Variants in DNAJC1 observed in about 807,000 individuals in gnomAD.
The protein encoded by DNAJC1 is dnaJ homolog subfamily C member 1.
A neutral mutation model predicts 76.6 loss-of-function variants in DNAJC1; 58 were observed. That is an observed-to-expected ratio of 0.76 (90% confidence interval 0.61 to 0.94). The LOEUF is 0.94. DNAJC1 is among the 40% of genes least tolerant of loss of function. The pLI is 0.00. For missense variants in DNAJC1, 689 were observed against 677.3 expected, an observed-to-expected ratio of 1.02 and a Z score of -0.19; for synonymous variants, 258 against 267.9, an observed-to-expected ratio of 0.96 and a Z score of 0.36.
chr10:21,813,150 GTCTCTCTCTCTCTCTCTCTCTCTCCCTC>G (rs1328847617), intron 8 of DNAJC1, among the ~76,000 whole-genome samples: 24 of 66,114 alleles, frequency 3.6e-4, no homozygotes, highest in South Asian at 9.5e-4. Context: ...TGGGTTACTT[GTCTCTCTCTCTCTCTCTCTCTCTCCCTC>G]TCTCTCTCTC....
intron 6 of DNAJC1, among the ~76,000 whole-genome samples, chr10:21,908,639 T>G (rs1030773800): frequency 6.6e-6 from 1 of 151,996 alleles, no homozygotes; most frequent in African/African-American, 2.4e-5. Context: ...TAATCCATCC[T>G]TATAGCCCTA....
At chr10:21,889,200 C>A (rs934759758) in intron 7 of DNAJC1, among the ~76,000 whole-genome samples, 1 of 152,048 alleles carries the variant, frequency 6.6e-6, no homozygotes, top group Non-Finnish European at 1.5e-5. Context: ...ATGGCAGGGG[C>A]AGAAACGAGA....
chr10:21,981,488 T>C (rs149850606), intron 1 of DNAJC1, among the ~76,000 whole-genome samples: 85 of 152,278 alleles, frequency 5.6e-4, no homozygotes, highest in South Asian at 8.3e-4. Context: ...ATAGGTAACA[T>C]TTAAATAGTA....
chr10:21,835,071 AC>A (rs1484212205), intron 8 of DNAJC1, among the ~76,000 whole-genome samples: 1 of 151,802 alleles, frequency 6.6e-6, no homozygotes, highest in Non-Finnish European at 1.5e-5. Context: ...TCTGGGAGGC[AC>A]CCCCCAGTAG....
intron 1 of DNAJC1, among the ~76,000 whole-genome samples, chr10:21,988,355 T>A (rs1838279479): frequency 6.6e-6 from 1 of 152,088 alleles, no homozygotes; most frequent in Non-Finnish European, 1.5e-5. Context: ...CCTCTTAGAT[T>A]AACAACTCAA....
At position 21,919,916 on chromosome 10, in the gene DNAJC1, C is replaced by T. The variant is rs1419508558; in HGVS notation, c.551G>A (p.Ser184Asn). ...YLEKQLDELL[S>N]RKKREKKKKT... is the part of the protein sequence containing the mutation. ...TTTTTTCTTTTCTCTCTTTTTTCTA[C>T]TTAGTAGTTCATCCTTAATGTGGAA... The change falls in exon 5 of 12, where the codon AGT becomes AAT. Residue 184 changes from serine to asparagine, a missense_variant. Coordinates refer to ENST00000376980, the MANE Select transcript of DNAJC1 (RefSeq NM_022365.4). 2 of 1,601,040 alleles carry T rather than the reference C, an allele frequency of 1.2e-6. No homozygotes were observed. The highest frequency in any genetic ancestry group is 1.7e-6 in the Non-Finnish European group (2 of 1,174,950).
intron 9 of DNAJC1, among the ~76,000 whole-genome samples, chr10:21,792,214 T>A (rs1834698078): frequency 6.6e-6 from 1 of 152,162 alleles, no homozygotes; most frequent in African/African-American, 2.4e-5. Context: ...AACAAATGAA[T>A]TAGTAACTAA....
chr10:21,924,982 G>A (rs544264808), intron 3 of DNAJC1, among the ~76,000 whole-genome samples: 14 of 152,202 alleles, frequency 9.2e-5, no homozygotes, highest in African/African-American at 3.4e-4. Flanking sequence ...CTAGCACTGG[G>A]TATTTTTGTT....
intron 6 of DNAJC1, among the ~76,000 whole-genome samples, chr10:21,909,506 C>A (rs1337271391): frequency 6.6e-6 from 1 of 152,126 alleles, no homozygotes; most frequent in Non-Finnish European, 1.5e-5. Flanking sequence ...TCTGTGAGAA[C>A]AGGAATTGTT....
At position 21,759,556 on chromosome 10, in the gene DNAJC1, T is replaced by C. The variant is rs1469869618; in HGVS notation, c.1210A>G (p.Thr404Ala). Residue 404 changes from threonine (T) to alanine (A), a missense_variant, in exon 11 of 12, where the codon ACC (threonine) becomes GCC (alanine). Coordinates refer to ENST00000376980, the MANE Select transcript of DNAJC1 (RefSeq NM_022365.4). Reference protein sequence around the residue: ...VQNSRPIKTATTLPDDMITQR... With the variant: ...VQNSRPIKTAATLPDDMITQR... ...GTGATCATGTCATCGGGCAAGGTGG[T>C]GGCCGTTTTGATGGGCCTGGAATTC... 7 of 1,614,118 alleles carry C rather than the reference T, an allele frequency of 4.3e-6. No individual in the cohort carries two copies. Among genetic ancestry groups the C allele is most frequent in the Non-Finnish European group, 5.9e-6 (7 of 1,180,032 alleles).
chr10:21,867,289 T>A (rs550876078), intron 8 of DNAJC1, among the ~76,000 whole-genome samples: 1 of 152,072 alleles, frequency 6.6e-6, no homozygotes, highest in African/African-American at 2.4e-5. Context: ...TATACAAATA[T>A]CCAATATTAG....
At chr10:21,985,881 G>A (rs1396664643) in intron 1 of DNAJC1, among the ~76,000 whole-genome samples, 18 of 151,926 alleles carry the variant, frequency 1.2e-4, no homozygotes, top group Admixed American at 1.2e-3. Flanking sequence ...TCTCTTCTGT[G>A]GATACCTAGG....
intron 1 of DNAJC1, among the ~76,000 whole-genome samples, chr10:21,935,582 C>G (rs1837298637): frequency 6.6e-6 from 1 of 151,978 alleles, no homozygotes; most frequent in African/African-American, 2.4e-5. Flanking sequence ...GAAAAAATGA[C>G]AGCAAACTTC....
At chr10:21,905,108 C>T (rs889154410) in intron 6 of DNAJC1, among the ~76,000 whole-genome samples, 5 of 152,004 alleles carry the variant, frequency 3.3e-5, no homozygotes, top group Non-Finnish European at 7.4e-5. Context: ...CCTCCTTTTA[C>T]CACCCTTAGA....
intron 1 of DNAJC1, among the ~76,000 whole-genome samples, chr10:21,961,009 T>C (rs1306980653): frequency 2.0e-5 from 3 of 152,192 alleles, no homozygotes; most frequent in Non-Finnish European, 4.4e-5. Flanking sequence ...ATTAAGGAAA[T>C]GCAAATCAAA....
intron 3 of DNAJC1, among the ~76,000 whole-genome samples, chr10:21,923,945 A>C (rs1399177612): frequency 2.6e-5 from 4 of 152,064 alleles, no homozygotes; most frequent in Non-Finnish European, 5.9e-5. Context: ...TCTGTATATT[A>C]TGAAAATGAA....
chr10:21,817,907 C>T (rs1589993967), intron 8 of DNAJC1, among the ~76,000 whole-genome samples: 1 of 152,250 alleles, frequency 6.6e-6, no homozygotes, highest in Admixed American at 6.5e-5. Context: ...CCGTCATTTT[C>T]GTAAGCTGAG....
chr10:21,807,304 C>A (rs972181582), intron 8 of DNAJC1, among the ~76,000 whole-genome samples: 3 of 152,206 alleles, frequency 2.0e-5, no homozygotes, highest in African/African-American at 7.2e-5. Context: ...ACTATCTCCA[C>A]AGCTACAGCA....
intron 7 of DNAJC1, among the ~76,000 whole-genome samples, chr10:21,885,941 C>T (rs1345584840): frequency 6.6e-6 from 1 of 151,900 alleles, no homozygotes; most frequent in Non-Finnish European, 1.5e-5. Flanking sequence ...GAAGCAAGAA[C>T]AAATCAACTG....
Sources: gnomAD v4.1 joint callset for allele counts (sites outside exome capture counted in the v4.1 genomes callset) on GRCh38, gnomAD v4.1.1 for gene constraint, MANE v1.5 for transcripts, NCBI Gene and HGNC (gene_info 2026-07-23, HGNC 2026-07-21) for gene names.